GRIK3: variants seen among roughly 807,000 people sequenced by gnomAD.
GRIK3 encodes glutamate ionotropic receptor kainate type subunit 3.
Under a neutral mutation model 102.5 loss-of-function variants are expected in GRIK3, and 29 were observed. That is an observed-to-expected ratio of 0.28 (90% CI 0.21 to 0.39). The LOEUF is 0.39. Among genes scored for constraint, GRIK3 ranks in the 10% least tolerant of loss-of-function variants. The probability of loss-of-function intolerance (pLI) is 1.00; values close to 1 mark genes in which losing one functional copy is unlikely to be tolerated. For missense variants in GRIK3, 908 were observed against 1,252.4 expected, an observed-to-expected ratio of 0.73 and a Z score of 4.15; for synonymous variants, 511 against 504.9, an observed-to-expected ratio of 1.01 and a Z score of -0.16.
At chr1:36,940,106 G>A (rs1179355978) in intron 1 of GRIK3, among the ~76,000 whole-genome samples, 1 of 152,224 alleles carries the variant, frequency 6.6e-6, no homozygotes, top group Non-Finnish European at 1.5e-5. Context: ...AAATAAAGGA[G>A]CGAGGCAATT....
At chr1:37,009,702 G>A (rs1331334869) in intron 1 of GRIK3, among the ~76,000 whole-genome samples, 3 of 152,148 alleles carry the variant, frequency 2.0e-5, no homozygotes, top group Non-Finnish European at 4.4e-5. Context: ...GGCTAGAGTT[G>A]CCTCCAAAAA....
intron 11 of GRIK3, among the ~76,000 whole-genome samples, chr1:36,823,472 CAAAAAAAAAAAA>C (rs71053954): frequency 1.1e-4 from 4 of 38,092 alleles, no homozygotes; most frequent in East Asian, 2.4e-3. Context: ...GACTCCGTCT[CAAAAAAAAAAAA>C]AAAAAAAAAA....
chr1:36,997,737 C>T (rs1642435737), intron 1 of GRIK3, among the ~76,000 whole-genome samples: 1 of 152,070 alleles, frequency 6.6e-6, no homozygotes, highest in South Asian at 2.1e-4. Context: ...CTAAGAGGGA[C>T]CAGGAATGAC....
At chr1:37,024,778 T>A (rs191693469) in intron 1 of GRIK3, among the ~76,000 whole-genome samples, 1 of 149,566 alleles carries the variant, frequency 6.7e-6, no homozygotes, top group Admixed American at 6.7e-5. Context: ...TTGCTCAAGA[T>A]TACACAGGTG....
At chr1:37,018,843 T>C (rs1471236834) in intron 1 of GRIK3, among the ~76,000 whole-genome samples, 1 of 152,096 alleles carries the variant, frequency 6.6e-6, no homozygotes, top group Non-Finnish European at 1.5e-5. Context: ...AAAACTCCAA[T>C]TTTTTTAAAA....
chr1:36,950,571 C>G (rs983407188), intron 1 of GRIK3, among the ~76,000 whole-genome samples: 8 of 152,344 alleles, frequency 5.3e-5, no homozygotes, highest in African/African-American at 1.4e-4. Context: ...ACAACATGCT[C>G]TGGGCTTGGC....
intron 10 of GRIK3, among the ~76,000 whole-genome samples, chr1:36,841,036 A>C (rs1490690247): frequency 6.6e-6 from 1 of 152,222 alleles, no homozygotes; most frequent in Non-Finnish European, 1.5e-5. Flanking sequence ...CTAATGAGGA[A>C]GAACCGGGAC....
At chr1:36,973,913 C>G (rs1642169499) in intron 1 of GRIK3, among the ~76,000 whole-genome samples, 1 of 152,160 alleles carries the variant, frequency 6.6e-6, no homozygotes, top group East Asian at 1.9e-4. Context: ...GAAGGTCACT[C>G]AGCCCCTCAT....
At chr1:36,917,527 T>C (rs1229861305) in intron 1 of GRIK3, among the ~76,000 whole-genome samples, 1 of 152,134 alleles carries the variant, frequency 6.6e-6, no homozygotes, top group African/African-American at 2.4e-5. Flanking sequence ...GAGAGGTAAT[T>C]GAATCATGGG....
In GRIK3 at chr1:36,880,670, A is replaced by G; in HGVS notation, c.514T>C (p.Trp172Arg). 6.2e-7 allele frequency: 1 copy of G among 1,614,118 alleles called. No homozygotes were observed. The highest frequency in any genetic ancestry group is 8.5e-7 in the Non-Finnish European group (1 of 1,179,978). Reference sequence around the variant, plus strand: ...TCATAGACCACGGTGGCTGACCGCCACTTGAGGTACTGGACCAGGTCGAGG... The same window carrying G: ...TCATAGACCACGGTGGCTGACCGCCGCTTGAGGTACTGGACCAGGTCGAGG... ...AILDLVQYLK[W>R]RSATVVYDDS... Residue 172 changes from tryptophan (W) to arginine (R), a missense_variant, in exon 3 of 16, where the codon TGG (tryptophan) becomes CGG (arginine). Trp to Arg is a moderately radical substitution (Grantham distance 101, BLOSUM62 -3). Transcript: ENST00000373091. The surrounding 1 kb of genome is among the most constrained non-coding windows in gnomAD (Gnocchi z 5.4).
At chr1:36,931,614 A>G (rs1641590908) in intron 1 of GRIK3, among the ~76,000 whole-genome samples, 1 of 152,244 alleles carries the variant, frequency 6.6e-6, no homozygotes, top group Non-Finnish European at 1.5e-5. Context: ...GGCATTCAAT[A>G]AATGATTGTT....
chr1:36,919,338 AATTTTATTTT>A (rs59601847), intron 1 of GRIK3, among the ~76,000 whole-genome samples: 2,377 of 143,652 alleles, frequency 0.017, 51 homozygotes, highest in African/African-American at 0.055. Flanking sequence ...GCTTTTTTAA[AATTTTATTTT>A]ATTTTATTTT....
intron 11 of GRIK3, 66 bp downstream of exon 11, chr1:36,825,537 T>C (rs998490963): frequency 9.3e-7 from 1 of 1,077,254 alleles, no homozygotes; most frequent in Non-Finnish European, 1.3e-6. Flanking sequence ...GCTGAGGAGA[T>C]GAGGACCTGC....
At chr1:37,029,512 C>T (rs544126469) in intron 1 of GRIK3, among the ~76,000 whole-genome samples, 12 of 152,354 alleles carry the variant, frequency 7.9e-5, no homozygotes, top group African/African-American at 2.9e-4. Context: ...GGCGCCACCT[C>T]AGCAGACCAG....
chr1:36,835,073 G>A (rs770474596), intron 10 of GRIK3, among the ~76,000 whole-genome samples: 4 of 152,190 alleles, frequency 2.6e-5, no homozygotes, highest in Non-Finnish European at 5.9e-5. Flanking sequence ...CTGATTCATT[G>A]TTTGCCCCCG....
chr1:36,896,978 G>A (rs2124278551), intron 1 of GRIK3, among the ~76,000 whole-genome samples: 1 of 152,210 alleles, frequency 6.6e-6, no homozygotes, highest in East Asian at 1.9e-4. Context: ...TCAACAACTA[G>A]GAACAGAAGG....
intron 3 of GRIK3, among the ~76,000 whole-genome samples, chr1:36,873,729 C>T (rs1379842034): frequency 6.6e-6 from 1 of 151,932 alleles, no homozygotes; most frequent in Admixed American, 6.6e-5. Flanking sequence ...AGGGGTCCAT[C>T]GTCAGCTCTA....
intron 2 of GRIK3, among the ~76,000 whole-genome samples, chr1:36,883,136 G>T (rs554803257): frequency 2.6e-5 from 4 of 152,318 alleles, no homozygotes; most frequent in South Asian, 2.1e-4. Context: ...CCTAAGATTT[G>T]CAGGGCCCAG....
intron 9 of GRIK3, among the ~76,000 whole-genome samples, chr1:36,848,921 A>T (rs1050742249): frequency 8.7e-5 from 13 of 149,746 alleles, no homozygotes; most frequent in African/African-American, 3.0e-4. Flanking sequence ...AGGGAAGAAG[A>T]TAGTAGGGGT....
Sources: gnomAD v4.1 joint callset for allele counts (sites outside exome capture counted in the v4.1 genomes callset) on GRCh38, gnomAD v4.1.1 for gene constraint, Gnocchi (gnomAD v3.1) non-coding constraint, MANE v1.5 for transcripts, NCBI Gene and HGNC (gene_info 2026-07-23, HGNC 2026-07-21) for gene names.